Variants in CNIH2 observed in about 807,000 individuals in gnomAD.
CNIH2 encodes the protein protein cornichon homolog 2.
Under a neutral mutation model 22.9 loss-of-function variants are expected in CNIH2, and 8 were observed. That is an observed-to-expected ratio of 0.35 (90% CI 0.20 to 0.63). The LOEUF (loss-of-function observed/expected upper bound fraction) is 0.63. Among genes scored for constraint, CNIH2 ranks in the 30% least tolerant of loss-of-function variants. The pLI, the probability that CNIH2 is intolerant of heterozygous loss-of-function variation, is 0.72. For synonymous variants in CNIH2, 74 were observed against 78.2 expected, an observed-to-expected ratio of 0.95 and a Z score of 0.28; for missense variants, 105 against 206.2, an observed-to-expected ratio of 0.51 and a Z score of 3.01.
chr11:66,282,069 G>A (rs1291976314), intron 1 of CNIH2, among the ~76,000 whole-genome samples, 190 bp from the exon 2 acceptor site: 1 of 152,182 alleles, frequency 6.6e-6, no homozygotes, highest in Admixed American at 6.5e-5. Flanking sequence ...GCATCCAGAC[G>A]CTAGGGTTCC....
intron 2 of CNIH2, 165 bp from the exon 3 acceptor site, chr11:66,282,568 C>G: frequency 1.1e-6 from 1 of 888,706 alleles, no homozygotes; most frequent in African/African-American, 1.7e-5. Flanking sequence ...AAGGCCCTTC[C>G]ATGGTGACGG....
intron 1 of CNIH2, among the ~76,000 whole-genome samples, chr11:66,279,291 C>T (rs575803561): frequency 6.6e-6 from 1 of 152,126 alleles, no homozygotes. Context: ...ATCCTGCATC[C>T]GACCCATCGC....
rs1256180627 is a variant in CNIH2, at chr11:66,283,368, C to G, written c.432C>G (p.Leu144=). The change falls in exon 5 of 6, where the codon CTC becomes CTG. Residue 144 remains leucine, a synonymous_variant. Transcript: ENST00000311445. The part of the protein sequence containing the change: ...ESWCKLAFYL[L]SFFYYLYSMV... Reference sequence around the variant, plus strand: ...GGTGCAAACTTGCCTTCTACCTGCTCTCCTTCTTCTATTACCTGTACAGGT... The same window carrying G: ...GGTGCAAACTTGCCTTCTACCTGCTGTCCTTCTTCTATTACCTGTACAGGT... 4 of 1,614,082 alleles carry G rather than the reference C, an allele frequency of 2.5e-6. No individual in the cohort carries two copies. Among genetic ancestry groups the G allele is most frequent in the Non-Finnish European group, 3.4e-6 (4 of 1,180,030 alleles).
At chr11:66,281,236 G>T (rs1380653775) in intron 1 of CNIH2, among the ~76,000 whole-genome samples, 2 of 152,164 alleles carry the variant, frequency 1.3e-5, no homozygotes, top group African/African-American at 4.8e-5. Flanking sequence ...ATGACACAGT[G>T]GTTAGGAATT....
intron 2 of CNIH2, 91 bp downstream of exon 2, chr11:66,282,418 T>TTCTGTTTTGGG: frequency 6.2e-6 from 1 of 161,824 alleles, no homozygotes; most frequent in East Asian, 1.1e-4. Flanking sequence ...AAGACGGGGG[T>TTCTGTTTTGGG]GGGGTGGGGG....
At chr11:66,281,642 C>G (rs1857259813) in intron 1 of CNIH2, 1 of 363,234 alleles carries the variant, frequency 2.8e-6, no homozygotes, top group African/African-American at 2.1e-5. Flanking sequence ...TCTCCAGCTC[C>G]TCTTCCACCA....
intron 2 of CNIH2, 102 bp downstream of exon 2, chr11:66,282,429 G>GTTGGGGGGGGGGGGGGGGGGGGC: frequency 2.1e-6 from 1 of 479,456 alleles, no homozygotes. Flanking sequence ...GGGGTGGGGG[G>GTTGGGGGGGGGGGGGGGGGGGGC]CCTACGGCCA....
rs375732442 is a variant in CNIH2 at position 66,283,670 on chromosome 11, G to A, written c.*73G>A. On this transcript the variant is annotated 3_prime_UTR_variant, in exon 6 of 6. Coordinates refer to ENST00000311445, the MANE Select transcript of CNIH2 (RefSeq NM_182553.3). Reference sequence around the variant, plus strand: ...GCACCCCCAGCCCTGCCCCTTGGCCGCAGAGGCCTCAGCCCTGGGGAGGGA... The same window carrying A: ...GCACCCCCAGCCCTGCCCCTTGGCCACAGAGGCCTCAGCCCTGGGGAGGGA... 20 of 1,511,376 alleles carry A rather than the reference G, an allele frequency of 1.3e-5. No homozygotes were observed. The highest frequency in any genetic ancestry group is 2.0e-5 in the Admixed American group (1 of 50,348). 93.6% of individuals were successfully genotyped at this position (1,511,376 alleles called of 1,614,324 possible).
intron 3 of CNIH2, 102 bp from the exon 4 acceptor site, chr11:66,282,933 C>T: frequency 7.4e-7 from 1 of 1,355,620 alleles, no homozygotes; most frequent in Non-Finnish European, 1.1e-6. Flanking sequence ...CCCCAGAGGT[C>T]ACGGTGGGTG....
At position 66,283,356 on chromosome 11, in the gene CNIH2, C is replaced by G; in HGVS notation, c.420C>G (p.Ala140=). 6.2e-7 allele frequency: 1 copy of G among 1,614,178 alleles called. No homozygotes were observed. Among genetic ancestry groups the G allele is most frequent in the East Asian group, 2.2e-5 (1 of 44,888 alleles). Residue 140 remains alanine, a synonymous_variant, in exon 5 of 6, where the codon GCC becomes GCG. Transcript: ENST00000311445. ...AGAAGGAGTCCTGGTGCAAACTTGC[C>G]TTCTACCTGCTCTCCTTCTTCTATT... ...YCQKESWCKL[A]FYLLSFFYYL...
chr11:66,282,950 T>C (rs1292870867), intron 3 of CNIH2, 85 bp from the exon 4 acceptor site: 1 of 1,398,622 alleles, frequency 7.1e-7, no homozygotes, highest in Non-Finnish European at 1.0e-6. Flanking sequence ...GGTGGGCACC[T>C]CCCAAACCCC....
chr11:66,282,907 C>A, intron 3 of CNIH2, 127 bp downstream of exon 3: 1 of 1,376,464 alleles, frequency 7.3e-7, no homozygotes, highest in Non-Finnish European at 1.0e-6. Context: ...GAGTGGGAAG[C>A]CAGAGGCCTT....
At chr11:66,280,892 C>T (rs1037210378) in intron 1 of CNIH2, among the ~76,000 whole-genome samples, 5 of 152,072 alleles carry the variant, frequency 3.3e-5, no homozygotes, top group African/African-American at 7.3e-5. Context: ...GGGCTGGAGC[C>T]GACAGGAGGG....
intron 2 of CNIH2, 96 bp downstream of exon 2, chr11:66,282,423 T>TTCTGGGGGGGGGGGGGG: frequency 6.8e-6 from 1 of 147,070 alleles, no homozygotes; most frequent in Non-Finnish European, 1.3e-5. Context: ...GGGGGTGGGG[T>TTCTGGGGGGGGGGGGGG]GGGGGGCCTA....
At chr11:66,281,126 C>T (rs141587426) in intron 1 of CNIH2, among the ~76,000 whole-genome samples, 1 of 152,292 alleles carries the variant, frequency 6.6e-6, no homozygotes, top group African/African-American at 2.4e-5. Flanking sequence ...TGTAGAATCC[C>T]ATGCACGCCT....
rs867031872 is a variant in CNIH2 at position 66,282,663 on chromosome 11, G to C, written c.151-70G>C. 6 of 1,565,070 alleles carry C rather than the reference G, an allele frequency of 3.8e-6. No individual in the cohort carries two copies. In the South Asian group the frequency reaches 6.7e-5, roughly 18 times the overall value. ...CTGGCGCCCCCTGGCGGCCACATGT[G>C]GAGCGGTGGGAGCTGCTCCAGTACC... is the stretch of plus-strand genomic sequence containing the variant. On this transcript the variant is annotated intron_variant, in intron 2 of 5. Coordinates refer to ENST00000311445, the MANE Select transcript of CNIH2 (RefSeq NM_182553.3).
At position 66,278,454 on chromosome 11, in the gene CNIH2, GC is replaced by G; in HGVS notation, c.-1del. ...CCCCGGGCCGCCGCCCGGCGCGGGG[GC>G]CATGGCGTTCACCTTCGCCGCGTTC... On this transcript the variant is annotated 5_prime_UTR_variant, in exon 1 of 6. Transcript: ENST00000311445. 7.3e-7 allele frequency: 1 copy of G among 1,367,182 alleles called. No homozygotes were observed. The highest frequency in any genetic ancestry group is 9.6e-7 in the Non-Finnish European group (1 of 1,046,804). The allele number at this position is 1,367,182 out of a possible 1,614,324, so 84.7% of individuals were successfully genotyped here.
intron 1 of CNIH2, among the ~76,000 whole-genome samples, chr11:66,280,875 C>T (rs564388691): frequency 6.6e-6 from 1 of 152,220 alleles, no homozygotes; most frequent in African/African-American, 2.4e-5. Flanking sequence ...CCTGCTGCCT[C>T]ATCCTAGGGC....
chr11:66,281,678 C>T (rs538105515), intron 1 of CNIH2: 13 of 356,832 alleles, frequency 3.6e-5, no homozygotes, highest in East Asian at 7.5e-5. Flanking sequence ...CTGCTCGCTG[C>T]GCTGTCACGC....
Sources: allele counts gnomAD v4.1 joint callset (sites outside exome capture counted in the v4.1 genomes callset), GRCh38; gene constraint gnomAD v4.1.1; transcripts MANE v1.5; gene names NCBI Gene and HGNC (gene_info 2026-07-23, HGNC 2026-07-21).